Variants in ST8SIA2 observed in about 807,000 individuals in gnomAD.
ST8SIA2 encodes the protein ST8 alpha-N-acetyl-neuraminide alpha-2,8-sialyltransferase 2.
A neutral mutation model predicts 37.6 loss-of-function variants in ST8SIA2; 22 were observed. The ratio of observed to expected loss-of-function variants is 0.58; its 90% CI spans 0.42 to 0.83. The LOEUF (loss-of-function observed/expected upper bound fraction) is 0.83, where lower values mean the gene tolerates loss of function less well. Ranked by LOEUF, ST8SIA2 falls within the 40% of genes least tolerant of loss-of-function variation. The pLI is 0.00. For missense variants in ST8SIA2, 382 were observed against 484.7 expected (o/e 0.79, Z 1.99); for synonymous variants, 205 against 201.2 (o/e 1.02, Z -0.16).
intron 5 of ST8SIA2, among the ~76,000 whole-genome samples, chr15:92,455,228 C>T (rs945800992): frequency 1.3e-5 from 2 of 152,108 alleles, no homozygotes; most frequent in East Asian, 3.9e-4. Flanking sequence ...GTCCCAGTCT[C>T]CTCCGGTTGA....
intron 4 of ST8SIA2, among the ~76,000 whole-genome samples, chr15:92,440,824 A>G (rs1028949239): frequency 3.9e-5 from 6 of 152,210 alleles, no homozygotes; most frequent in Admixed American, 1.3e-4. Context: ...TAAAGAGAGC[A>G]TGATGTTGCA....
intron 5 of ST8SIA2, among the ~76,000 whole-genome samples, chr15:92,447,936 G>A (rs1156361806): frequency 6.6e-6 from 1 of 152,154 alleles, no homozygotes; most frequent in African/African-American, 2.4e-5. Context: ...CCTAGAAGGA[G>A]GAAACTCTTG....
intron 1 of ST8SIA2, chr15:92,422,647 C>T (rs1027824621): frequency 2.0e-5 from 3 of 152,716 alleles, no homozygotes; most frequent in African/African-American, 7.2e-5. Context: ...TGGTGAGGAT[C>T]TGTACTAGGT....
chr15:92,412,807 G>A (rs2049559139), intron 1 of ST8SIA2, among the ~76,000 whole-genome samples: 1 of 152,158 alleles, frequency 6.6e-6, no homozygotes, highest in South Asian at 2.1e-4. Context: ...ACAGGCGCAT[G>A]CCACCACACC....
intron 1 of ST8SIA2, among the ~76,000 whole-genome samples, chr15:92,400,390 T>C (rs968472492): frequency 3.9e-5 from 6 of 152,180 alleles, no homozygotes; most frequent in African/African-American, 1.4e-4. Context: ...TGACCGAGGA[T>C]ATGCCAAAAA....
chr15:92,414,826 C>T (rs1285176604), intron 1 of ST8SIA2, among the ~76,000 whole-genome samples: 5 of 152,232 alleles, frequency 3.3e-5, no homozygotes, highest in Non-Finnish European at 7.3e-5. Flanking sequence ...CACAAGCTAT[C>T]GTGGCATTAG....
intron 2 of ST8SIA2, 48 bp from the exon 3 acceptor site, chr15:92,434,199 C>T: frequency 6.2e-7 from 1 of 1,611,978 alleles, no homozygotes; most frequent in Non-Finnish European, 8.5e-7. Context: ...TTGTCGTCGG[C>T]TTGCTAACAC....
Position 92,438,525 on chromosome 15 carries a change from G to T in ST8SIA2, c.463G>T (p.Gly155Trp), listed in dbSNP as rs1258707560. ...RTSPLKNKHFGTCAIVGNSGV... is the reference protein window; with the variant it reads ...RTSPLKNKHFWTCAIVGNSGV... Reference sequence around the variant, plus strand: ...TTCGCCACTGAAGAATAAGCACTTTGGGACTTGTGCCATCGTGGGCAACTC... The same window carrying T: ...TTCGCCACTGAAGAATAAGCACTTTTGGACTTGTGCCATCGTGGGCAACTC... The change falls in exon 4 of 6, where the codon GGG (glycine) becomes TGG (tryptophan). Residue 155 changes from glycine (G) to tryptophan (W), a missense_variant. Physicochemically the swap from Gly to Trp is radical, Grantham distance 184. Transcript: ENST00000268164. 1.2e-6 allele frequency: 2 copies of T among 1,614,180 alleles called. No homozygotes were observed. The highest frequency in any genetic ancestry group is 1.7e-6 in the Non-Finnish European group (2 of 1,180,034).
At chr15:92,461,462 A>T (rs2049957266) in intron 5 of ST8SIA2, among the ~76,000 whole-genome samples, 1 of 152,200 alleles carries the variant, frequency 6.6e-6, no homozygotes, top group South Asian at 2.1e-4. Flanking sequence ...ACCTTCCAGG[A>T]CCCCAGAGCT....
rs767501429 is a variant in ST8SIA2 at position 92,397,870 on chromosome 15, C to T, written c.98+3708C>T. Among the ~76,000 whole-genome samples the T allele has an allele frequency of 2.2e-4, 34 of 152,202 alleles. 1 individual carries two copies. The highest frequency in any genetic ancestry group is 3.9e-4 in the East Asian group (2 of 5,194). On this transcript the variant is annotated intron_variant, in intron 1 of 5. Transcript: ENST00000268164. The stretch of plus-strand genomic sequence containing the variant: ...AGAGCTGGCCGGGAACGGTGGCTCA[C>T]GCCTGTAATCCCAACACTTTGGGAG...
At chr15:92,461,000 G>C (rs560906820) in intron 5 of ST8SIA2, among the ~76,000 whole-genome samples, 1 of 152,316 alleles carries the variant, frequency 6.6e-6, no homozygotes, top group Admixed American at 6.5e-5. Context: ...AGAGGGAAGG[G>C]AGGAGCTGTG....
At chr15:92,394,587 A>T (rs2049415900) in intron 1 of ST8SIA2, among the ~76,000 whole-genome samples, 1 of 151,036 alleles carries the variant, frequency 6.6e-6, no homozygotes, top group Non-Finnish European at 1.5e-5. Flanking sequence ...CAAAGTGGGC[A>T]GGGGGCGCGC....
intron 5 of ST8SIA2, among the ~76,000 whole-genome samples, chr15:92,445,371 G>A (rs1331641409): frequency 1.3e-5 from 2 of 152,206 alleles, no homozygotes; most frequent in South Asian, 4.1e-4. Context: ...GGAAATATGA[G>A]TGGGAATGGT....
chr15:92,431,655 A>C (rs1369264186), intron 2 of ST8SIA2, among the ~76,000 whole-genome samples: 1 of 152,186 alleles, frequency 6.6e-6, no homozygotes, highest in East Asian at 1.9e-4. Flanking sequence ...ACATTCATTG[A>C]AAAGGAATAT....
chr15:92,394,060 C>T lies in ST8SIA2; in HGVS notation c.-5C>T. The T allele has an allele frequency of 6.5e-7, 1 of 1,549,950 alleles. No individual in the cohort carries two copies. The highest frequency in any genetic ancestry group is 1.7e-4 in the Middle Eastern group (1 of 5,980). On this transcript the variant is annotated 5_prime_UTR_variant, in exon 1 of 6. Coordinates refer to ENST00000268164, the MANE Select transcript of ST8SIA2 (RefSeq NM_006011.4). ...CGCGTGGGTCCCGGCGGGCGCGAACCCACCATGCAGCTGCAGTTCCGGAGC... is the reference window on the plus strand; with the variant it reads ...CGCGTGGGTCCCGGCGGGCGCGAACTCACCATGCAGCTGCAGTTCCGGAGC...
intron 5 of ST8SIA2, among the ~76,000 whole-genome samples, chr15:92,461,639 C>T (rs2141852947): frequency 6.6e-6 from 1 of 152,342 alleles, no homozygotes; most frequent in Middle Eastern, 3.4e-3. Context: ...GCCATGGTAG[C>T]TGTGGGCCAG....
intron 5 of ST8SIA2, among the ~76,000 whole-genome samples, chr15:92,457,676 C>T (rs16946945): frequency 0.033 from 4,977 of 152,170 alleles, 298 homozygotes; most frequent in African/African-American, 0.11. Context: ...GCCAGAGCAA[C>T]GGAGGAGAGA....
Position 92,444,790 on chromosome 15 carries a change from G to T in ST8SIA2, c.703G>T (p.Gly235Cys), listed in dbSNP as rs186768001. Reference sequence around the variant, plus strand: ...GCTGCAACGGCTGCACAGCCTCAATGGCAGCATCCTGTGGATCCCTGCCTT... The same window carrying T: ...GCTGCAACGGCTGCACAGCCTCAATTGCAGCATCCTGTGGATCCCTGCCTT... ...KLLQRLHSLN[G>C]SILWIPAFMA... Residue 235 changes from glycine (G) to cysteine (C), a missense_variant, in exon 5 of 6, where the codon GGC (glycine) becomes TGC (cysteine). Coordinates refer to ENST00000268164, the MANE Select transcript of ST8SIA2 (RefSeq NM_006011.4). The T allele has an allele frequency of 6.2e-7, 1 of 1,614,128 alleles. No individual in the cohort carries two copies. The highest frequency in any genetic ancestry group is 8.5e-7 in the Non-Finnish European group (1 of 1,180,044).
rs934871197 is a variant in ST8SIA2 at position 92,393,981 on chromosome 15, G to A, written c.-84G>A. The stretch of plus-strand genomic sequence containing the variant: ...GTCTGCCCAGCTGCGCGCGGCGCGC[G>A]GAGGCTCCGGCGTCCGCCGCTGCGC... On this transcript the variant is annotated 5_prime_UTR_variant, in exon 1 of 6. Coordinates refer to ENST00000268164, the MANE Select transcript of ST8SIA2 (RefSeq NM_006011.4). 30 of 942,538 alleles carry A rather than the reference G, an allele frequency of 3.2e-5. No homozygotes were observed. Among genetic ancestry groups the A allele is most frequent in the Non-Finnish European group, 4.3e-5 (30 of 696,442 alleles). The allele number at this position is 942,538 out of a possible 1,614,324, so 58.4% of individuals were successfully genotyped here. A position where few individuals can be genotyped will look rare whatever the true frequency, so the allele number is the denominator to read the frequency against.
Sources: allele counts gnomAD v4.1 joint callset (sites outside exome capture counted in the v4.1 genomes callset), GRCh38; gene constraint gnomAD v4.1.1; transcripts MANE v1.5; gene names NCBI Gene and HGNC (gene_info 2026-07-23, HGNC 2026-07-21).